C5orf24: variants seen among roughly 807,000 people sequenced by gnomAD.
C5orf24 encodes the protein chromosome 5 open reading frame 24.
Under a neutral mutation model 9.8 loss-of-function variants are expected in C5orf24, and 4 were observed. That is an observed-to-expected ratio of 0.41 (90% confidence interval 0.20 to 0.93). C5orf24 has a LOEUF of 0.93. Among genes scored for constraint, C5orf24 ranks in the 40% least tolerant of loss-of-function variants. The probability of loss-of-function intolerance (pLI) is 0.33; values close to 1 mark genes in which losing one functional copy is unlikely to be tolerated. For synonymous variants in C5orf24, 73 were observed against 81.3 expected (o/e 0.90, Z 0.55); for missense variants, 170 against 236.9 (o/e 0.72, Z 1.85).
chr5:134,833,861 CT>C, the C5orf24 span, among the ~76,000 whole-genome samples: 1 of 152,038 alleles, frequency 6.6e-6, no homozygotes, highest in Non-Finnish European at 1.5e-5. Flanking sequence ...GAGGAATTTA[CT>C]TTTGATTATT....
upstream of C5orf24, among the ~76,000 whole-genome samples, chr5:134,842,906 C>A (rs1372055396): frequency 6.6e-6 from 1 of 152,176 alleles, no homozygotes; most frequent in African/African-American, 2.4e-5. Flanking sequence ...ACTTTCAAAT[C>A]CAAACTCGAA....
At chr5:134,851,823 T>C (rs1260003084) in intron 1 of C5orf24, among the ~76,000 whole-genome samples, 1 of 152,234 alleles carries the variant, frequency 6.6e-6, no homozygotes, top group Non-Finnish European at 1.5e-5. Context: ...GCCTGGCACA[T>C]AACAAAATCC....
At chr5:134,854,806 T>G (rs536221047) in intron 1 of C5orf24, 92 bp from the exon 2 acceptor site, 1 of 1,396,238 alleles carries the variant, frequency 7.2e-7, no homozygotes, top group South Asian at 1.2e-5. Flanking sequence ...TGCATAGTTG[T>G]TGGAAGACAG....
chr5:134,855,868 G>C lies in C5orf24; in HGVS notation c.*401G>C. ...GACACTAACGTATTTTTAACTGATG[G>C]AGCAAAAAAGCAAACTAATGAATCA... is the stretch of plus-strand genomic sequence containing the variant. On this transcript the variant is annotated 3_prime_UTR_variant, in exon 2 of 2. Coordinates refer to ENST00000394976, the MANE Select transcript of C5orf24 (RefSeq NM_001135586.1). 1 of 1,016,792 alleles carries C rather than the reference G, an allele frequency of 9.8e-7. No individual in the cohort carries two copies. Among genetic ancestry groups the C allele is most frequent in the Non-Finnish European group, 1.2e-6 (1 of 841,760 alleles). The allele number at this position is 1,016,792 out of a possible 1,614,324, so 63.0% of individuals were successfully genotyped here. A position where few individuals can be genotyped will look rare whatever the true frequency, so the allele number is the denominator to read the frequency against.
At chr5:134,852,836 A>G (rs1185203065) in intron 1 of C5orf24, among the ~76,000 whole-genome samples, 1 of 152,140 alleles carries the variant, frequency 6.6e-6, no homozygotes, top group African/African-American at 2.4e-5. Flanking sequence ...TGGGAGTTCA[A>G]GACCAGCCTG....
chr5:134,846,055 C>G lies in C5orf24; in HGVS notation c.-161C>G, dbSNP rs1580836803. 1 of 152,340 alleles carries G rather than the reference C, an allele frequency of 6.6e-6. No homozygotes were observed. The highest frequency in any genetic ancestry group is 2.1e-4 in the South Asian group (1 of 4,838). The allele number at this position is 152,340 out of a possible 1,614,324, so 9.4% of individuals were successfully genotyped here. ...CGCGGCGGGTGCTGGGAGCCAGCGC[C>G]TGCCTCGCCGCCGCCCTCGCTGCCT... On this transcript the variant is annotated 5_prime_UTR_variant, in exon 1 of 2. Transcript: ENST00000394976.
chr5:134,835,831 A>G, the C5orf24 span, among the ~76,000 whole-genome samples: 1 of 152,146 alleles, frequency 6.6e-6, no homozygotes, highest in South Asian at 2.1e-4. Flanking sequence ...ATAGGTAAGT[A>G]GGACTATACA....
intron 1 of C5orf24, among the ~76,000 whole-genome samples, chr5:134,851,160 T>C (rs1484751243): frequency 6.6e-6 from 1 of 152,078 alleles, no homozygotes; most frequent in Non-Finnish European, 1.5e-5. Flanking sequence ...ACTCCTGACC[T>C]TAGGTGATTT....
chr5:134,846,898 G>A (rs1191923650), intron 1 of C5orf24: 1 of 152,128 alleles, frequency 6.6e-6, no homozygotes, highest in Non-Finnish European at 1.5e-5. Context: ...ATTATGAAAC[G>A]TATATGATTA....
At chr5:134,836,262 C>T in the C5orf24 span, among the ~76,000 whole-genome samples, 2 of 150,540 alleles carry the variant, frequency 1.3e-5, no homozygotes, top group African/African-American at 2.4e-5. Context: ...GCAAGCTCCG[C>T]CTCCCGGATT....
chr5:134,847,109 A>G (rs1423714331), intron 1 of C5orf24, among the ~76,000 whole-genome samples: 1 of 152,190 alleles, frequency 6.6e-6, no homozygotes, highest in African/African-American at 2.4e-5. Context: ...GAGAAGAGAA[A>G]GGAATTGTTC....
the C5orf24 span, among the ~76,000 whole-genome samples, chr5:134,838,383 A>G: frequency 5.3e-5 from 8 of 151,744 alleles, no homozygotes; most frequent in Non-Finnish European, 4.4e-5. Flanking sequence ...TTAAAAGTGC[A>G]CTCCCGGCCG....
chr5:134,842,999 TG>T (rs1755921804), upstream of C5orf24, among the ~76,000 whole-genome samples: 1 of 151,954 alleles, frequency 6.6e-6, no homozygotes, highest in East Asian at 1.9e-4. Context: ...TTTTTTTTTT[TG>T]AGACAGTCTC....
chr5:134,848,491 T>C (rs937612571), intron 1 of C5orf24, among the ~76,000 whole-genome samples: 2 of 146,340 alleles, frequency 1.4e-5, no homozygotes, highest in Admixed American at 1.4e-4. Flanking sequence ...ACCTCGTTTC[T>C]ACTAAAAAAA....
the C5orf24 span, among the ~76,000 whole-genome samples, chr5:134,838,342 A>G: frequency 6.6e-6 from 1 of 152,154 alleles, no homozygotes; most frequent in East Asian, 1.9e-4. Context: ...TGAAGAAAAA[A>G]TGTTGGGAGA....
At position 134,858,277 on chromosome 5, in the gene C5orf24, T is replaced by A. The variant is rs1375871531; in HGVS notation, c.*2810T>A. ...CACTTACTTTTCTCCCTGTGAACAG[T>A]TTACCGGTGCCATGCTGAAGAGAAA... is the stretch of plus-strand genomic sequence containing the variant. On this transcript the variant is annotated 3_prime_UTR_variant, in exon 2 of 2. Transcript: ENST00000394976. 6.0e-6 allele frequency: 1 copy of A among 167,030 alleles called. No homozygotes were observed. The highest frequency in any genetic ancestry group is 6.5e-5 in the Admixed American group (1 of 15,270). 10.3% of individuals were successfully genotyped at this position (167,030 alleles called of 1,614,324 possible).
At chr5:134,845,359 A>G (rs1226815391), upstream of C5orf24, among the ~76,000 whole-genome samples, 3 of 152,188 alleles carry the variant, frequency 2.0e-5, no homozygotes, top group Non-Finnish European at 4.4e-5. Flanking sequence ...TAGCTGCCCT[A>G]ATTCTGGATC....
Position 134,857,449 on chromosome 5 carries a change from G to A in C5orf24, c.*1982G>A, listed in dbSNP as rs377231492. 1.5e-4 allele frequency: 235 copies of A among 1,522,212 alleles called. 1 individual carries two copies. In the East Asian group the frequency reaches 4.1e-3, roughly 26 times the overall value. 94.3% of individuals were successfully genotyped at this position (1,522,212 alleles called of 1,614,324 possible). ...TCTTTACAGTAAGAGGTGTTGCATT[G>A]TATGTGGGGACTATGTGCACTGGCG... On this transcript the variant is annotated 3_prime_UTR_variant, in exon 2 of 2. Transcript: ENST00000394976.
the C5orf24 span, among the ~76,000 whole-genome samples, chr5:134,839,484 A>G: frequency 6.6e-6 from 1 of 152,188 alleles, no homozygotes; most frequent in Non-Finnish European, 1.5e-5. Flanking sequence ...CCTGTCTGGT[A>G]ACAATAAATA....
Sources: allele counts gnomAD v4.1 joint callset (sites outside exome capture counted in the v4.1 genomes callset), GRCh38; gene constraint gnomAD v4.1.1; transcripts MANE v1.5; gene names NCBI Gene and HGNC (gene_info 2026-07-23, HGNC 2026-07-21).